The following DPP10 variants were observed in gnomAD, a reference collection of about 807,000 sequenced individuals.
DPP10 encodes the protein dipeptidyl peptidase like 10.
DPP10 carries 33 observed loss-of-function variants against 120.9 expected under a neutral mutation model. The observed-to-expected ratio is 0.27, with a 90% CI of 0.21 to 0.37. The LOEUF (loss-of-function observed/expected upper bound fraction) is 0.37, where lower values mean the gene tolerates loss of function less well. Ranked by LOEUF, DPP10 falls within the 10% of genes least tolerant of loss-of-function variation. The pLI is 1.00. For missense variants in DPP10, 816 were observed against 942.8 expected (o/e 0.87, Z 1.76); for synonymous variants, 337 against 326.1 (o/e 1.03, Z -0.36).
At chr2:115,486,202 G>T (rs553281834) in intron 3 of DPP10, among the ~76,000 whole-genome samples, 135 of 151,694 alleles carry the variant, frequency 8.9e-4, no homozygotes, top group Non-Finnish European at 1.6e-3. Context: ...TCAATATGCT[G>T]ATATTAACCA....
intron 3 of DPP10, among the ~76,000 whole-genome samples, chr2:115,466,552 A>G (rs978790059): frequency 2.6e-5 from 4 of 152,210 alleles, no homozygotes; most frequent in African/African-American, 9.6e-5. Flanking sequence ...AATTAAATTT[A>G]GTCCACATAT....
chr2:114,683,435 TGCCTTCCTCCCTTCCTTCCA>T (rs924868615), intron 1 of DPP10, among the ~76,000 whole-genome samples: 5 of 151,578 alleles, frequency 3.3e-5, no homozygotes, highest in African/African-American at 7.3e-5. Flanking sequence ...CCACCCAGTG[TGCCTTCCTCCCTTCCTTCCA>T]GCCTTCCTCC....
At chr2:114,717,083 T>C (rs535720352) in intron 1 of DPP10, among the ~76,000 whole-genome samples, 103 of 152,346 alleles carry the variant, frequency 6.8e-4, no homozygotes, top group Non-Finnish European at 1.4e-3. Flanking sequence ...CGCAGTTAAT[T>C]TTCCTGGCAG....
At chr2:115,667,832 T>G (rs2089577625) in intron 5 of DPP10, among the ~76,000 whole-genome samples, 2 of 151,894 alleles carry the variant, frequency 1.3e-5, no homozygotes, top group Admixed American at 1.3e-4. Context: ...TTTCTTATAT[T>G]ATATTATATT....
At chr2:114,470,029 G>C (rs1339455177) in intron 1 of DPP10, among the ~76,000 whole-genome samples, 1 of 152,228 alleles carries the variant, frequency 6.6e-6, no homozygotes, top group Admixed American at 6.5e-5. Context: ...GGCAGACACA[G>C]AGTGTTTCCC....
chr2:115,292,028 A>G (rs2105930062), intron 1 of DPP10, among the ~76,000 whole-genome samples: 1 of 152,276 alleles, frequency 6.6e-6, no homozygotes, highest in African/African-American at 2.4e-5. Flanking sequence ...GAACTTTCTT[A>G]AAATATCCAA....
At chr2:114,670,094 T>C (rs1258547284) in intron 1 of DPP10, among the ~76,000 whole-genome samples, 1 of 152,138 alleles carries the variant, frequency 6.6e-6, no homozygotes, top group Admixed American at 6.6e-5. Context: ...AGTTCAACCA[T>C]TGTGGAAGTC....
intron 1 of DPP10, among the ~76,000 whole-genome samples, chr2:115,032,716 A>C (rs1703923925): frequency 6.6e-6 from 1 of 151,498 alleles, no homozygotes; most frequent in Non-Finnish European, 1.5e-5. Context: ...CCCGGTATCT[A>C]CTGAAAAAAA....
intron 1 of DPP10, among the ~76,000 whole-genome samples, chr2:114,637,345 C>A (rs1278728575): frequency 1.3e-5 from 2 of 151,952 alleles, no homozygotes; most frequent in Non-Finnish European, 2.9e-5. Flanking sequence ...GTTACCCTCA[C>A]TATTGTCCTC....
chr2:115,095,108 T>C (rs1249118892), intron 1 of DPP10, among the ~76,000 whole-genome samples: 3 of 152,210 alleles, frequency 2.0e-5, no homozygotes, highest in African/African-American at 7.2e-5. Context: ...ATTAGACAGA[T>C]GATGGATTGA....
intron 5 of DPP10, among the ~76,000 whole-genome samples, chr2:115,655,750 A>G (rs2149390828): frequency 6.6e-6 from 1 of 151,808 alleles, no homozygotes; most frequent in Admixed American, 6.6e-5. Flanking sequence ...TAATCGCTCA[A>G]CACATTCCTA....
At chr2:114,594,773 T>G (rs1328855574) in intron 1 of DPP10, among the ~76,000 whole-genome samples, 2 of 152,044 alleles carry the variant, frequency 1.3e-5, no homozygotes, top group Admixed American at 1.3e-4. Context: ...GAATTTTCTA[T>G]AAATTCATTG....
intron 12 of DPP10, among the ~76,000 whole-genome samples, chr2:115,766,197 G>A (rs1225193439): frequency 6.6e-6 from 1 of 150,962 alleles, no homozygotes; most frequent in Non-Finnish European, 1.5e-5. Flanking sequence ...AAGTAATTGA[G>A]GTTTTTGCCA....
chr2:115,791,119 G>A lies in DPP10; in HGVS notation c.1570G>A (p.Ala524Thr), dbSNP rs1280677941. 1.2e-6 allele frequency: 2 copies of A among 1,613,478 alleles called. No homozygotes were observed. The highest frequency in any genetic ancestry group is 2.2e-5 in the East Asian group (1 of 44,764). The change falls in exon 18 of 26, where the codon GCT becomes ACT. Residue 524 changes from alanine (A) to threonine (T), a missense_variant. By Grantham distance (58) the Ala-to-Thr change is moderately conservative. Transcript: ENST00000410059. Reference sequence around the variant, plus strand: ...GGAAAGCAATTCTATGCTGAAGGAAGCTATCCTGAAGAAGAAGATAGGAAA... The same window carrying A: ...GGAAAGCAATTCTATGCTGAAGGAAACTATCCTGAAGAAGAAGATAGGAAA... ...ILESNSMLKE[A>T]ILKKKIGKPE...
intron 4 of DPP10, among the ~76,000 whole-genome samples, chr2:115,507,030 A>ACG (rs1220353654): frequency 8.4e-6 from 1 of 119,666 alleles, no homozygotes; most frequent in Non-Finnish European, 1.7e-5. Flanking sequence ...ACACACACGC[A>ACG]CGCGCACACA....
chr2:114,575,997 A>G (rs1690019589), intron 1 of DPP10, among the ~76,000 whole-genome samples: 1 of 152,262 alleles, frequency 6.6e-6, no homozygotes, highest in African/African-American at 2.4e-5. Flanking sequence ...ACTGGTGATT[A>G]TGATATCAAA....
intron 1 of DPP10, among the ~76,000 whole-genome samples, chr2:114,464,923 C>T (rs1017169463): frequency 2.6e-5 from 4 of 151,998 alleles, no homozygotes; most frequent in Non-Finnish European, 4.4e-5. Flanking sequence ...AAAAGAGCTG[C>T]TATATATGGC....
In DPP10 at chr2:115,386,924, A is replaced by T. The variant is rs147243278; in HGVS notation, c.271+43012A>T. On this transcript the variant is annotated intron_variant, in intron 3 of 25. Coordinates refer to ENST00000410059, the MANE Select transcript of DPP10 (RefSeq NM_020868.6). ...CAGTAAAAAAAAAAAAAACTGTAAGAATATTAAAATATGAAGGGCAAAATG... is the reference window on the plus strand; with the variant it reads ...CAGTAAAAAAAAAAAAAACTGTAAGTATATTAAAATATGAAGGGCAAAATG... Among the ~76,000 whole-genome samples, 32 of 152,162 alleles carry T rather than the reference A, an allele frequency of 2.1e-4. No homozygotes were observed. In the East Asian group the frequency reaches 5.8e-3, roughly 27 times the overall value.
intron 1 of DPP10, among the ~76,000 whole-genome samples, chr2:114,533,189 G>T (rs1377821854): frequency 6.6e-6 from 1 of 152,128 alleles, no homozygotes; most frequent in East Asian, 1.9e-4. Context: ...CTCTTGGGGT[G>T]CATTGGTCCA....
Sources: gnomAD v4.1 joint callset for allele counts (sites outside exome capture counted in the v4.1 genomes callset) on GRCh38, gnomAD v4.1.1 for gene constraint, MANE v1.5 for transcripts, NCBI Gene and HGNC (gene_info 2026-07-23, HGNC 2026-07-21) for gene names.